Variants in KPNA1 observed in about 807,000 individuals in gnomAD.
KPNA1 encodes karyopherin subunit alpha 1, also known as importin subunit alpha-5.
In KPNA1, 10 loss-of-function variants were observed where a neutral mutation model predicts 70.5. That is an observed-to-expected ratio of 0.14 (90% CI 0.09 to 0.24). The LOEUF (loss-of-function observed/expected upper bound fraction) is 0.24, where lower values mean the gene tolerates loss of function less well. Ranked by LOEUF, KPNA1 falls within the 10% of genes least tolerant of loss-of-function variation. The pLI is 1.00. For missense variants in KPNA1, 397 were observed against 637.9 expected (o/e 0.62, Z 4.07); for synonymous variants, 192 against 221.9 (o/e 0.87, Z 1.20).
chr3:122,459,779 C>G, intron 5 of KPNA1: 3 of 985,382 alleles, frequency 3.0e-6, no homozygotes, highest in Non-Finnish European at 3.6e-6. Context: ...TCTACCTTTT[C>G]TGGATTTCTT....
At chr3:122,511,648 A>T (rs56325125) in intron 1 of KPNA1, among the ~76,000 whole-genome samples, 20,277 of 152,318 alleles carry the variant, frequency 0.13, 1,430 homozygotes, top group Middle Eastern at 0.27. Context: ...AAAAGACAGA[A>T]ATCAGCCCAA....
chr3:122,490,205 A>G (rs1033522514), intron 2 of KPNA1, among the ~76,000 whole-genome samples: 3 of 152,222 alleles, frequency 2.0e-5, no homozygotes, highest in Admixed American at 6.5e-5. Context: ...TTGATATTCC[A>G]TCCTACGAAA....
rs977703329 is a variant in KPNA1 at position 122,496,464 on chromosome 3, C to G, written c.102G>C (p.Gln34His). ...GCTCTTCTCTTTTCTGCTTTCGTAA[C>G]TGCAGTCCTTCTTCCTCCCTCCTCC... ...MRRRREEEGLQLRKQKREEQL... is the reference protein window; with the variant it reads ...MRRRREEEGLHLRKQKREEQL... The change falls in exon 2 of 14, where the codon CAG becomes CAC. Residue 34 changes from glutamine to histidine, a missense_variant. Transcript: ENST00000344337. The G allele has an allele frequency of 6.2e-7, 1 of 1,613,756 alleles. No homozygotes were observed. Among genetic ancestry groups the G allele is most frequent in the Non-Finnish European group, 8.5e-7 (1 of 1,179,818 alleles).
chr3:122,502,326 T>C (rs187944223), intron 1 of KPNA1, among the ~76,000 whole-genome samples: 8 of 152,364 alleles, frequency 5.3e-5, no homozygotes, highest in Admixed American at 2.6e-4. Flanking sequence ...TATTTTGTTA[T>C]AGTGCCTTTT....
At chr3:122,452,701 CGGAGAGACGGAGGGAAGGAGGGAA>C (rs2076221642) in intron 6 of KPNA1, among the ~76,000 whole-genome samples, 5 of 69,384 alleles carry the variant, frequency 7.2e-5, no homozygotes, top group South Asian at 5.1e-4. Context: ...GAGGGAGAGA[CGGAGAGACGGAGGGAAGGAGGGAA>C]GGAGAGACGG....
At chr3:122,478,676 C>G (rs551114587) in intron 2 of KPNA1, among the ~76,000 whole-genome samples, 114 of 150,360 alleles carry the variant, frequency 7.6e-4, no homozygotes, top group Non-Finnish European at 1.5e-3. Context: ...TGCAGTGAGC[C>G]AAGATCGCGC....
intron 1 of KPNA1, among the ~76,000 whole-genome samples, chr3:122,504,900 T>C (rs1017299141): frequency 2.0e-5 from 3 of 151,818 alleles, no homozygotes; most frequent in African/African-American, 7.3e-5. Context: ...TTTGTTCTGT[T>C]GGGAGAGACT....
intron 9 of KPNA1, among the ~76,000 whole-genome samples, chr3:122,442,466 T>G (rs952536465): frequency 1.3e-5 from 2 of 152,208 alleles, no homozygotes; most frequent in Non-Finnish European, 2.9e-5. Flanking sequence ...GAGCAATAAT[T>G]AACATTTACG....
chr3:122,467,730 T>A (rs369915461), intron 2 of KPNA1, among the ~76,000 whole-genome samples: 168 of 151,356 alleles, frequency 1.1e-3, no homozygotes, highest in African/African-American at 3.9e-3. Flanking sequence ...GGGTCATGCT[T>A]GGCCATTTTC....
At chr3:122,506,163 T>C (rs1467782541) in intron 1 of KPNA1, among the ~76,000 whole-genome samples, 4 of 152,160 alleles carry the variant, frequency 2.6e-5, no homozygotes, top group Non-Finnish European at 4.4e-5. Context: ...GCCCACCTAA[T>C]CAGTAAATCT....
intron 4 of KPNA1, among the ~76,000 whole-genome samples, chr3:122,462,778 T>G (rs1031662017): frequency 2.6e-5 from 4 of 152,220 alleles, no homozygotes; most frequent in African/African-American, 9.7e-5. Flanking sequence ...TATTAAATTT[T>G]TTTAAATCAC....
intron 2 of KPNA1, among the ~76,000 whole-genome samples, chr3:122,493,033 T>C (rs2076717251): frequency 6.6e-6 from 1 of 152,192 alleles, no homozygotes; most frequent in South Asian, 2.1e-4. Context: ...CAGAGTTTGG[T>C]TGAGATGATT....
intron 2 of KPNA1, among the ~76,000 whole-genome samples, chr3:122,478,757 T>C (rs970957572): frequency 2.7e-5 from 4 of 146,646 alleles, no homozygotes; most frequent in African/African-American, 1.0e-4. Flanking sequence ...TAGCCAGGCA[T>C]GATAGAAGGC....
chr3:122,443,919 G>A (rs759422972), intron 9 of KPNA1, among the ~76,000 whole-genome samples: 4 of 152,184 alleles, frequency 2.6e-5, no homozygotes, highest in African/African-American at 4.8e-5. Flanking sequence ...AAGAAACAGT[G>A]TTTTCTAGAG....
chr3:122,473,781 G>A (rs1313638500), intron 2 of KPNA1, among the ~76,000 whole-genome samples: 1 of 152,128 alleles, frequency 6.6e-6, no homozygotes, highest in Non-Finnish European at 1.5e-5. Context: ...AAGCTTCTCT[G>A]CTAAGATCAG....
At chr3:122,477,537 A>C (rs2076516788) in intron 2 of KPNA1, among the ~76,000 whole-genome samples, 1 of 152,046 alleles carries the variant, frequency 6.6e-6, no homozygotes, top group South Asian at 2.1e-4. Flanking sequence ...CTGCCTCTAC[A>C]AAAAAGCAAA....
At chr3:122,428,908 A>G (rs925381744) in intron 12 of KPNA1, among the ~76,000 whole-genome samples, 2 of 152,192 alleles carry the variant, frequency 1.3e-5, no homozygotes, top group Admixed American at 6.5e-5. Flanking sequence ...AAAATTAAAT[A>G]AAGACATCAT....
intron 2 of KPNA1, among the ~76,000 whole-genome samples, chr3:122,492,103 G>T (rs916787523): frequency 6.6e-6 from 1 of 151,682 alleles, no homozygotes; most frequent in East Asian, 1.9e-4. Context: ...CTCGTGATCC[G>T]CCCGTCTCGG....
chr3:122,511,235 C>G (rs912065360), intron 1 of KPNA1, among the ~76,000 whole-genome samples: 16 of 152,156 alleles, frequency 1.1e-4, no homozygotes, highest in African/African-American at 3.9e-4. Flanking sequence ...GCTGCCTATT[C>G]TGACCCCAAC....
Sources: allele counts gnomAD v4.1 joint callset (sites outside exome capture counted in the v4.1 genomes callset), GRCh38; gene constraint gnomAD v4.1.1; transcripts MANE v1.5; gene names NCBI Gene and HGNC (gene_info 2026-07-23, HGNC 2026-07-21).